PCDHAC2: variants seen among roughly 807,000 people sequenced by gnomAD.
PCDHAC2 encodes protocadherin alpha-C2.
In PCDHAC2, 24 loss-of-function variants were observed where a neutral mutation model predicts 63.3. The ratio of observed to expected loss-of-function variants is 0.38; its 90% CI spans 0.27 to 0.53. PCDHAC2 has a LOEUF of 0.53. Ranked by LOEUF, PCDHAC2 falls within the 20% of genes least tolerant of loss-of-function variation. PCDHAC2 has a pLI of 0.81. For synonymous variants in PCDHAC2, 569 were observed against 529.4 expected (o/e 1.07, Z -1.03); for missense variants, 1,181 against 1,275.2 (o/e 0.93, Z 1.12).
At chr5:140,978,767 AC>A (rs1167493285) in intron 1 of PCDHAC2, among the ~76,000 whole-genome samples, 181 bp from the exon 2 acceptor site, 4 of 152,342 alleles carry the variant, frequency 2.6e-5, no homozygotes, top group South Asian at 2.1e-4. Flanking sequence ...ACCCTGATGA[AC>A]TAATTTTCTT....
chr5:141,000,005 C>T (rs2097888446), intron 3 of PCDHAC2, among the ~76,000 whole-genome samples: 1 of 152,024 alleles, frequency 6.6e-6, no homozygotes. Context: ...ATTAGATTGG[C>T]CTCCCCATTG....
chr5:141,007,844 C>T (rs782712601), intron 3 of PCDHAC2, among the ~76,000 whole-genome samples: 3 of 152,176 alleles, frequency 2.0e-5, no homozygotes, highest in Non-Finnish European at 4.4e-5. Context: ...ATTAGAGACT[C>T]AAAGTCCTTA....
chr5:140,985,289 T>C (rs2097145554), intron 3 of PCDHAC2, among the ~76,000 whole-genome samples: 2 of 152,172 alleles, frequency 1.3e-5, no homozygotes, highest in African/African-American at 4.8e-5. Flanking sequence ...ATCTATGATA[T>C]AGTGTTGGCT....
chr5:140,969,309 A>G lies in PCDHAC2; in HGVS notation c.2543A>G (p.Asn848Ser). 2 of 1,614,212 alleles carry G rather than the reference A, an allele frequency of 1.2e-6. No individual in the cohort carries two copies. Among genetic ancestry groups the G allele is most frequent in the Non-Finnish European group, 1.7e-6 (2 of 1,180,040 alleles). The change falls in exon 1 of 4, where the codon AAT (asparagine) becomes AGT (serine). Residue 848 changes from asparagine to serine, a missense_variant. Around this residue, in one of 3 missense-constraint regions of PCDHAC2, gnomAD observed 968 missense variants for 1,073.5 expected, o/e 0.90. Transcript: ENST00000289269. ...QNAGNLIILK[N>S]EAVSQNEPRQ... ...GCTGGGAACCTGATTATTCTCAAAA[A>G]TGAGGCTGTTTCTCAAAATGAGGTG... is the stretch of plus-strand genomic sequence containing the variant.
Position 140,971,209 on chromosome 5 carries a change from C to A in PCDHAC2, c.2565+1878C>A, listed in dbSNP as rs147218200. 2.2e-3 allele frequency among the ~76,000 whole-genome samples: 328 copies of A among 152,236 alleles called. 3 individuals are homozygous for A. Among genetic ancestry groups the A allele is most frequent in the African/African-American group, 7.7e-3 (319 of 41,534 alleles). Reference sequence around the variant, plus strand: ...AAGCTCAGAGGAAAGACACTGTTACCCTCCCTCTCCTGACTCAAAGCTTGG... The same window carrying A: ...AAGCTCAGAGGAAAGACACTGTTACACTCCCTCTCCTGACTCAAAGCTTGG... On this transcript the variant is annotated intron_variant, in intron 1 of 3. Coordinates refer to ENST00000289269, the MANE Select transcript of PCDHAC2 (RefSeq NM_018899.6).
intron 3 of PCDHAC2, among the ~76,000 whole-genome samples, chr5:140,996,121 G>A (rs2097712758): frequency 6.6e-6 from 1 of 152,212 alleles, no homozygotes; most frequent in Admixed American, 6.5e-5. Flanking sequence ...GTGCAGGGTG[G>A]TGTAGAGGGT....
chr5:140,966,888 C>A lies in PCDHAC2; in HGVS notation c.122C>A (p.Ala41Asp). The change falls in exon 1 of 4, where the codon GCC (alanine) becomes GAC (aspartate). Residue 41 changes from alanine (A) to aspartate (D), a missense_variant. Coordinates refer to ENST00000289269, the MANE Select transcript of PCDHAC2 (RefSeq NM_018899.6). ...LLLLLLPGPA[A>D]SQLRYSVPEE... ...CTGCTGCTGCTACCTGGCCCTGCGG[C>A]CTCCCAGCTGCGATACTCTGTGCCA... The A allele has an allele frequency of 8.2e-6, 13 of 1,593,128 alleles. No individual in the cohort carries two copies. Among genetic ancestry groups the A allele is most frequent in the Non-Finnish European group, 1.1e-5 (13 of 1,173,512 alleles).
intron 3 of PCDHAC2, among the ~76,000 whole-genome samples, chr5:141,004,496 C>T (rs1179748811): frequency 6.6e-6 from 1 of 152,152 alleles, no homozygotes; most frequent in Non-Finnish European, 1.5e-5. Context: ...CTTGGCAGTC[C>T]TGCTGTGAGG....
intron 3 of PCDHAC2, among the ~76,000 whole-genome samples, chr5:141,001,365 T>C (rs577695639): frequency 6.6e-6 from 1 of 152,354 alleles, no homozygotes; most frequent in African/African-American, 2.4e-5. Context: ...AGCCTACTAT[T>C]CTGATTACAG....
At chr5:140,997,141 C>T (rs941650589) in intron 3 of PCDHAC2, among the ~76,000 whole-genome samples, 6 of 152,088 alleles carry the variant, frequency 3.9e-5, no homozygotes, top group Admixed American at 2.6e-4. Flanking sequence ...CCCACACCCC[C>T]GCCACAGTGA....
chr5:141,006,180 A>C (rs1554260594), intron 3 of PCDHAC2, among the ~76,000 whole-genome samples: 5 of 150,546 alleles, frequency 3.3e-5, no homozygotes, highest in Non-Finnish European at 7.4e-5. Context: ...TTTTTAAAAG[A>C]GTTTGCTATA....
chr5:140,989,948 C>T (rs1046056940), intron 3 of PCDHAC2, among the ~76,000 whole-genome samples: 2 of 151,988 alleles, frequency 1.3e-5, no homozygotes, highest in Admixed American at 6.6e-5. Context: ...ACGTTTTTCT[C>T]GGTGAGACCA....
At chr5:140,981,128 G>A (rs1340714771) in intron 2 of PCDHAC2, among the ~76,000 whole-genome samples, 1 of 152,214 alleles carries the variant, frequency 6.6e-6, no homozygotes, top group Non-Finnish European at 1.5e-5. Flanking sequence ...GTTGTTTGAA[G>A]TCAAAGAGTG....
Position 140,968,823 on chromosome 5 carries a change from A to G in PCDHAC2, c.2057A>G (p.Lys686Arg), listed in dbSNP as rs569036779. The G allele has an allele frequency of 1.9e-6, 3 of 1,614,192 alleles. No homozygotes were observed. The highest frequency in any genetic ancestry group is 2.5e-6 in the Non-Finnish European group (3 of 1,180,030). The change falls in exon 1 of 4, where the codon AAA becomes AGA. Residue 686 changes from lysine (K) to arginine (R), a missense_variant. Physicochemically the swap from Lys to Arg is conservative, Grantham distance 26. This residue lies in a region of PCDHAC2 where 968 missense variants were observed against 1,073.5 expected (regional missense o/e 0.90). Transcript: ENST00000289269. The stretch of plus-strand genomic sequence containing the variant: ...GTAGCTGTGGTGGATAGGGTTTCCA[A>G]AATCCTCCCTGACACTCAGAGGCAT... Reference protein sequence around the residue: ...ITVAVVDRVSKILPDTQRHVK... With the variant: ...ITVAVVDRVSRILPDTQRHVK...
chr5:140,968,995 A>G lies in PCDHAC2; in HGVS notation c.2229A>G (p.Gly743=). The change falls in exon 1 of 4, where the codon GGA becomes GGG. Residue 743 remains glycine, a synonymous_variant. Coordinates refer to ENST00000289269, the MANE Select transcript of PCDHAC2 (RefSeq NM_018899.6). ...CTGCGTATGGCACTGCATGCTGTGG[A>G]GGCTTCTGTGGAGTAAGGGAAAGGT... ...RYTAYGTACC[G]GFCGVRERSP... is the part of the protein sequence containing the mutation. 1.2e-6 allele frequency: 2 copies of G among 1,614,200 alleles called. No individual in the cohort carries two copies. Among genetic ancestry groups the G allele is most frequent in the Non-Finnish European group, 1.7e-6 (2 of 1,180,038 alleles).
chr5:140,966,860 T>A lies in PCDHAC2; in HGVS notation c.94T>A (p.Leu32Met). ...GCTGCTACTGCCTCTCCTGCTGCTG[T>A]TGCTGCTGCTGCTACCTGGCCCTGC... ...WLLLLPLLLLLLLLLPGPAAS... is the reference protein window; with the variant it reads ...WLLLLPLLLLMLLLLPGPAAS... Residue 32 changes from leucine (L) to methionine (M), a missense_variant, in exon 1 of 4, where the codon TTG (leucine) becomes ATG (methionine). Leu to Met is a conservative substitution (Grantham distance 15). Coordinates refer to ENST00000289269, the MANE Select transcript of PCDHAC2 (RefSeq NM_018899.6). The A allele has an allele frequency of 6.3e-7, 1 of 1,577,482 alleles. No individual in the cohort carries two copies. Among genetic ancestry groups the A allele is most frequent in the Middle Eastern group, 1.7e-4 (1 of 5,912 alleles).
intron 1 of PCDHAC2, among the ~76,000 whole-genome samples, chr5:140,973,636 T>C (rs535388717): frequency 6.6e-6 from 1 of 152,234 alleles, no homozygotes; most frequent in Non-Finnish European, 1.5e-5. Flanking sequence ...CTTGTACACA[T>C]TCTGACTGAA....
intron 3 of PCDHAC2, among the ~76,000 whole-genome samples, chr5:141,007,475 C>T (rs575810038): frequency 1.2e-4 from 18 of 151,396 alleles, no homozygotes; most frequent in Non-Finnish European, 2.1e-4. Flanking sequence ...GGCTGAGGCA[C>T]GAGAATTACT....
intron 3 of PCDHAC2, among the ~76,000 whole-genome samples, chr5:141,004,397 GA>G (rs2098164833): frequency 6.6e-6 from 1 of 152,188 alleles, no homozygotes; most frequent in African/African-American, 2.4e-5. Context: ...ACATGTGGAG[GA>G]GGCACCTGAC....
Sources: gnomAD v4.1 joint callset for allele counts (sites outside exome capture counted in the v4.1 genomes callset) on GRCh38, gnomAD v4.1.1 for gene constraint, gnomAD v4.1.1 regional missense constraint, MANE v1.5 for transcripts, NCBI Gene and HGNC (gene_info 2026-07-23, HGNC 2026-07-21) for gene names.